The following PRKN variants were observed in gnomAD, a reference collection of about 807,000 sequenced individuals.
PRKN encodes the protein parkin RBR E3 ubiquitin protein ligase.
In PRKN, 56 loss-of-function variants were observed where a neutral mutation model predicts 59.5. That is an observed-to-expected ratio of 0.94 (90% CI 0.76 to 1.18). The LOEUF (loss-of-function observed/expected upper bound fraction) is 1.18. Among genes scored for constraint, PRKN ranks in the 50% most tolerant of loss-of-function variants. The pLI, the probability that PRKN is intolerant of heterozygous loss-of-function variation, is 0.00. For missense variants in PRKN, 657 were observed against 596.4 expected, an observed-to-expected ratio of 1.10 and a Z score of -1.06; for synonymous variants, 250 against 222.1, an observed-to-expected ratio of 1.13 and a Z score of -1.12.
At chr6:161,632,142 T>C (rs546752226) in intron 7 of PRKN, among the ~76,000 whole-genome samples, 3 of 152,314 alleles carry the variant, frequency 2.0e-5, no homozygotes, top group African/African-American at 7.2e-5. Context: ...TGATGAGTCA[T>C]GGCTCAACAT....
intron 7 of PRKN, among the ~76,000 whole-genome samples, chr6:161,692,917 T>A (rs1785857332): frequency 7.2e-6 from 1 of 139,240 alleles, no homozygotes; most frequent in Non-Finnish European, 1.5e-5. Flanking sequence ...CACTGCACTC[T>A]AACCTGGGCA....
chr6:162,565,555 T>C (rs371953026), intron 1 of PRKN, among the ~76,000 whole-genome samples: 200 of 152,110 alleles, frequency 1.3e-3, no homozygotes, highest in South Asian at 0.01. Context: ...CCAGGCGTGG[T>C]GGTGTGTGCC....
chr6:162,528,729 G>GT (rs1778390565), intron 1 of PRKN, among the ~76,000 whole-genome samples: 1 of 151,996 alleles, frequency 6.6e-6, no homozygotes, highest in Non-Finnish European at 1.5e-5. Context: ...GAAGTTTGAG[G>GT]TTACAGTGAA....
intron 6 of PRKN, among the ~76,000 whole-genome samples, chr6:161,846,039 T>C (rs75422685): frequency 0.013 from 1,981 of 152,282 alleles, 44 homozygotes; most frequent in African/African-American, 0.045. Flanking sequence ...TCTTGCTGAA[T>C]TTGGTCCCAA....
intron 1 of PRKN, among the ~76,000 whole-genome samples, chr6:162,691,758 C>T (rs548950568): frequency 6.6e-6 from 1 of 152,164 alleles, no homozygotes; most frequent in South Asian, 2.1e-4. Flanking sequence ...ATCAAATAAC[C>T]AGTGAGAAAT....
intron 1 of PRKN, among the ~76,000 whole-genome samples, chr6:162,526,182 T>C (rs1357185304): frequency 6.6e-6 from 1 of 150,760 alleles, no homozygotes; most frequent in Non-Finnish European, 1.5e-5. Flanking sequence ...AAATAAAATG[T>C]AGATGACAAA....
intron 7 of PRKN, among the ~76,000 whole-genome samples, chr6:161,736,026 T>G (rs903397782): frequency 1.3e-5 from 2 of 152,254 alleles, no homozygotes; most frequent in Non-Finnish European, 2.9e-5. Context: ...TTACCTGCTA[T>G]GTATAACACA....
intron 1 of PRKN, among the ~76,000 whole-genome samples, chr6:162,556,350 T>G (rs940137896): frequency 1.8e-4 from 10 of 55,988 alleles, no homozygotes; most frequent in Non-Finnish European, 3.8e-4. Flanking sequence ...CTGGTGTGTG[T>G]GTGTGTGTGT....
chr6:161,452,350 A>G (rs1331744349), intron 9 of PRKN, among the ~76,000 whole-genome samples: 2 of 152,226 alleles, frequency 1.3e-5, no homozygotes, highest in Non-Finnish European at 2.9e-5. Context: ...CAATAGATAT[A>G]GTGCGCCTTA....
chr6:161,637,355 C>T (rs1783562749), intron 7 of PRKN, among the ~76,000 whole-genome samples: 1 of 151,640 alleles, frequency 6.6e-6, no homozygotes, highest in Non-Finnish European at 1.5e-5. Context: ...CATATGGCTG[C>T]CATACATTTT....
intron 1 of PRKN, among the ~76,000 whole-genome samples, chr6:162,503,425 G>C (rs1324374341): frequency 6.6e-6 from 1 of 152,044 alleles, no homozygotes; most frequent in East Asian, 1.9e-4. Context: ...CAGCCTCCCA[G>C]AGTGCCGGGA....
intron 5 of PRKN, among the ~76,000 whole-genome samples, chr6:162,053,263 G>GCTGTTGACAGACTCTGTTC (rs1282070502): frequency 6.6e-6 from 1 of 152,148 alleles, no homozygotes; most frequent in Non-Finnish European, 1.5e-5. Flanking sequence ...TGTACCTGTT[G>GCTGTTGACAGACTCTGTTC]CTGTTGACAG....
Position 162,707,229 on chromosome 6 carries a change from G to A in PRKN, c.7+20433C>T, listed in dbSNP as rs370245665. 4.6e-5 allele frequency among the ~76,000 whole-genome samples: 7 copies of A among 152,204 alleles called. No individual in the cohort carries two copies. In the East Asian group the frequency reaches 1.2e-3, roughly 25 times the overall value. On this transcript the variant is annotated intron_variant, in intron 1 of 11. Transcript: ENST00000366898. Reference sequence around the variant, plus strand: ...AGGTATCTAGCAACCTCATTTTTAGGATGTACAATATCTAAATATTAGTTA... The same window carrying A: ...AGGTATCTAGCAACCTCATTTTTAGAATGTACAATATCTAAATATTAGTTA...
At chr6:161,850,329 C>T (rs542486827) in intron 6 of PRKN, among the ~76,000 whole-genome samples, 14 of 152,094 alleles carry the variant, frequency 9.2e-5, no homozygotes, top group Non-Finnish European at 1.8e-4. Flanking sequence ...CCTATAATCC[C>T]AGCACTTTGG....
intron 6 of PRKN, among the ~76,000 whole-genome samples, chr6:161,853,557 C>CT (rs1793520834): frequency 6.6e-6 from 1 of 152,202 alleles, no homozygotes; most frequent in African/African-American, 2.4e-5. Context: ...AAGCACTAAA[C>CT]TGAAATTGTG....
At chr6:161,583,675 AC>A (rs1308731293) in intron 7 of PRKN, among the ~76,000 whole-genome samples, 1 of 152,194 alleles carries the variant, frequency 6.6e-6, no homozygotes, top group Non-Finnish European at 1.5e-5. Flanking sequence ...GCATGCCCTT[AC>A]ATCAATACAC....
intron 10 of PRKN, among the ~76,000 whole-genome samples, chr6:161,368,331 G>GTATATATATT (rs1339835466): frequency 9.8e-5 from 13 of 132,424 alleles, no homozygotes; most frequent in East Asian, 2.1e-4. Flanking sequence ...ATATATATTT[G>GTATATATATT]TATATATATT....
intron 1 of PRKN, among the ~76,000 whole-genome samples, chr6:162,699,395 T>C (rs1354081746): frequency 6.6e-6 from 1 of 152,110 alleles, no homozygotes; most frequent in East Asian, 1.9e-4. Context: ...AAGACTAGAT[T>C]AACTGAATCC....
intron 7 of PRKN, among the ~76,000 whole-genome samples, chr6:161,642,166 A>G (rs1337087807): frequency 6.6e-6 from 1 of 152,214 alleles, no homozygotes; most frequent in Non-Finnish European, 1.5e-5. Flanking sequence ...TTGAAAATCT[A>G]CCTAGAAGTC....
Sources: gnomAD v4.1 joint callset for allele counts (sites outside exome capture counted in the v4.1 genomes callset) on GRCh38, gnomAD v4.1.1 for gene constraint, MANE v1.5 for transcripts, NCBI Gene and HGNC (gene_info 2026-07-23, HGNC 2026-07-21) for gene names.